Variants in CDK7 observed in about 807,000 individuals in gnomAD.
CDK7 encodes the protein cyclin-dependent kinase 7.
CDK7 carries 25 observed loss-of-function variants against 49.1 expected under a neutral mutation model. That is an observed-to-expected ratio of 0.51 (90% CI 0.37 to 0.71). The LOEUF is 0.71. Among genes scored for constraint, CDK7 ranks in the 30% least tolerant of loss-of-function variants. The pLI, the probability that CDK7 is intolerant of heterozygous loss-of-function variation, is 0.00. For synonymous variants in CDK7, 107 were observed against 140.0 expected (o/e 0.76, Z 1.67); for missense variants, 316 against 411.7 (o/e 0.77, Z 2.01).
chr5:69,237,250 GC>G (rs1749062573), intron 2 of CDK7, among the ~76,000 whole-genome samples: 1 of 152,060 alleles, frequency 6.6e-6, no homozygotes, highest in Non-Finnish European at 1.5e-5. Context: ...ATAGACACAT[GC>G]CACCAAGCCT....
At chr5:69,257,300 A>G (rs986817308) in intron 5 of CDK7, among the ~76,000 whole-genome samples, 4 of 152,320 alleles carry the variant, frequency 2.6e-5, no homozygotes, top group Non-Finnish European at 5.9e-5. Flanking sequence ...ACTATACACT[A>G]AAAAGGGTAT....
At chr5:69,275,696 AG>A (rs1234196479) in intron 10 of CDK7, among the ~76,000 whole-genome samples, 1 of 152,196 alleles carries the variant, frequency 6.6e-6, no homozygotes, top group Non-Finnish European at 1.5e-5. Flanking sequence ...ACCTTCAGCC[AG>A]GCGCGGTGGC....
At chr5:69,238,181 C>G (rs1749129170) in intron 2 of CDK7, among the ~76,000 whole-genome samples, 1 of 152,090 alleles carries the variant, frequency 6.6e-6, no homozygotes, top group South Asian at 2.1e-4. Context: ...ATTTATTTAA[C>G]CAATCACCTA....
chr5:69,239,876 A>T (rs568598275), intron 2 of CDK7, among the ~76,000 whole-genome samples: 361 of 140,398 alleles, frequency 2.6e-3, no homozygotes, highest in African/African-American at 8.9e-3. Flanking sequence ...AGGATCCAGT[A>T]TTTTTTTTTT....
chr5:69,237,312 A>G (rs1749066349), intron 2 of CDK7, among the ~76,000 whole-genome samples: 1 of 152,034 alleles, frequency 6.6e-6, no homozygotes, highest in South Asian at 2.1e-4. Flanking sequence ...TCATAGCCAC[A>G]CTGACTTTTC....
intron 2 of CDK7, among the ~76,000 whole-genome samples, chr5:69,241,498 G>A (rs147510962): frequency 0.015 from 2,283 of 151,760 alleles, 23 homozygotes; most frequent in Non-Finnish European, 0.021. Context: ...GCTAATTTTT[G>A]TATTTTTAGT....
At chr5:69,276,404 T>C (rs1372629493) in intron 10 of CDK7, 139 bp from the exon 11 acceptor site, 26 of 697,272 alleles carry the variant, frequency 3.7e-5, no homozygotes, top group Non-Finnish European at 4.7e-5. Context: ...TGCAAATACT[T>C]GACATTAATT....
At chr5:69,266,476 C>G (rs1235191067) in intron 8 of CDK7, among the ~76,000 whole-genome samples, 1 of 152,060 alleles carries the variant, frequency 6.6e-6, no homozygotes, top group Non-Finnish European at 1.5e-5. Flanking sequence ...GTAATCCCAG[C>G]TACTCGGGAA....
At chr5:69,275,730 T>TA (rs1426473310) in intron 10 of CDK7, among the ~76,000 whole-genome samples, 1 of 152,110 alleles carries the variant, frequency 6.6e-6, no homozygotes, top group African/African-American at 2.4e-5. Context: ...TCCTAGCTCT[T>TA]AGGGAGGCGG....
intron 7 of CDK7, among the ~76,000 whole-genome samples, chr5:69,261,771 C>T (rs2932790): frequency 0.28 from 42,504 of 151,842 alleles, 6,539 homozygotes; most frequent in East Asian, 0.4. Context: ...CCTCGTGATC[C>T]GCCCGCCTCG....
In CDK7 at chr5:69,271,931, GT is replaced by G. The variant is rs377452875; in HGVS notation, c.715-950del. ...AGACTTAGGGCAAGGTTCAGTTTTT[GT>G]TTTTTTTTTTCTTTGAGACAGTCTC... On this transcript the variant is annotated intron_variant, in intron 9 of 11. Transcript: ENST00000256443. Among the ~76,000 whole-genome samples the G allele has an allele frequency of 8.9e-5, 13 of 145,772 alleles. No homozygotes were observed. In the South Asian group the frequency reaches 1.3e-3, roughly 15 times the overall value.
At chr5:69,265,743 C>T (rs1413834598) in intron 8 of CDK7, among the ~76,000 whole-genome samples, 1 of 152,006 alleles carries the variant, frequency 6.6e-6, no homozygotes, top group East Asian at 1.9e-4. Context: ...AACCCTGTCT[C>T]TACCAAAAAT....
At chr5:69,250,810 G>T (rs368155226) in intron 2 of CDK7, 1 of 456,528 alleles carries the variant, frequency 2.2e-6, no homozygotes, top group African/African-American at 2.0e-5. Context: ...AATATGTCTC[G>T]GAGTTTCACC....
intron 5 of CDK7, among the ~76,000 whole-genome samples, chr5:69,257,447 C>T (rs1038143310): frequency 5.3e-5 from 8 of 152,166 alleles, no homozygotes; most frequent in Non-Finnish European, 1.0e-4. Flanking sequence ...TAACTAAGCT[C>T]CATTTTCTTC....
At chr5:69,243,832 T>G (rs1231891646) in intron 2 of CDK7, among the ~76,000 whole-genome samples, 1 of 127,382 alleles carries the variant, frequency 7.9e-6, no homozygotes, top group East Asian at 2.1e-4. Flanking sequence ...AGTTGTTTTT[T>G]TTTTTTTTTT....
At chr5:69,249,679 TC>T (rs1223260720) in intron 2 of CDK7, among the ~76,000 whole-genome samples, 36 of 152,192 alleles carry the variant, frequency 2.4e-4, no homozygotes, top group Admixed American at 1.7e-3. Context: ...AAGCCTCGTC[TC>T]TACTAAAAAT....
chr5:69,259,837 T>A lies in CDK7; in HGVS notation c.428T>A (p.Leu143Ter), dbSNP rs959140481. ...ILHRDLKPNNLLLDENGVLKL... is the reference protein window; with the variant it reads ...ILHRDLKPNN ...ATATAGGATCTGAAACCAAACAACT[T>A]GTTGCTAGATGAAAATGGAGTTCTA... The change falls in exon 7 of 12, where the codon TTG (leucine) becomes TAG (stop). Residue 143 changes from leucine (L) to a stop codon, truncating the protein, a stop_gained. Coordinates refer to ENST00000256443, the MANE Select transcript of CDK7 (RefSeq NM_001799.4). LOFTEE classifies it high-confidence loss of function. 7 of 1,613,764 alleles carry A rather than the reference T, an allele frequency of 4.3e-6. No homozygotes were observed. Among genetic ancestry groups the A allele is most frequent in the Non-Finnish European group, 5.9e-6 (7 of 1,179,812 alleles).
chr5:69,252,524 T>A (rs2972365), intron 3 of CDK7, 73 bp downstream of exon 3: 194,976 of 537,736 alleles, frequency 0.36, 34,038 homozygotes, highest in East Asian at 0.49. Flanking sequence ...TTTTTTTTTT[T>A]AAAAAGACAG....
At chr5:69,259,010 G>A (rs1580313449) in intron 6 of CDK7, among the ~76,000 whole-genome samples, 1 of 151,874 alleles carries the variant, frequency 6.6e-6, no homozygotes, top group African/African-American at 2.4e-5. Context: ...CAGGAGGTGG[G>A]GGTTGCAGTG....
Sources: gnomAD v4.1 joint callset for allele counts (sites outside exome capture counted in the v4.1 genomes callset) on GRCh38, gnomAD v4.1.1 for gene constraint, MANE v1.5 for transcripts, NCBI Gene and HGNC (gene_info 2026-07-23, HGNC 2026-07-21) for gene names.